Variants in NUBPL observed in about 807,000 individuals in gnomAD.
NUBPL encodes the protein iron-sulfur cluster transfer protein NUBPL.
A neutral mutation model predicts 45.7 loss-of-function variants in NUBPL; 31 were observed. That is an observed-to-expected ratio of 0.68 (90% confidence interval 0.51 to 0.92). The LOEUF (loss-of-function observed/expected upper bound fraction) is 0.92, where lower values mean the gene tolerates loss of function less well. Ranked by LOEUF, NUBPL falls within the 40% of genes least tolerant of loss-of-function variation. NUBPL has a pLI of 0.00. For missense variants in NUBPL, 401 were observed against 398.7 expected, an observed-to-expected ratio of 1.01 and a Z score of -0.05; for synonymous variants, 144 against 140.9, an observed-to-expected ratio of 1.02 and a Z score of -0.15.
chr14:31,839,117 T>C (rs908808773), intron 8 of NUBPL, among the ~76,000 whole-genome samples: 3 of 152,230 alleles, frequency 2.0e-5, no homozygotes, highest in African/African-American at 7.2e-5. Flanking sequence ...TAATATGTCA[T>C]TGTTTTGGTT....
chr14:31,835,175 A>G (rs1224916392), intron 8 of NUBPL, among the ~76,000 whole-genome samples: 1 of 152,192 alleles, frequency 6.6e-6, no homozygotes, highest in Non-Finnish European at 1.5e-5. Context: ...CTAAGACTTG[A>G]CTGCAGCACT....
At chr14:31,826,852 A>T in intron 8 of NUBPL, 138 bp downstream of exon 8, 1 of 763,094 alleles carries the variant, frequency 1.3e-6, no homozygotes, top group South Asian at 1.5e-5. Context: ...CATTTTGGTG[A>T]CTTTAAAAAC....
rs1249472696 is a variant in NUBPL at position 31,599,488 on chromosome 14, G to T, written c.382+109G>T. 4 of 752,006 alleles carry T rather than the reference G, an allele frequency of 5.3e-6. No individual in the cohort carries two copies. The East Asian group carries it at 1.1e-4, about 20-fold the overall frequency. The allele number at this position is 752,006 out of a possible 1,614,324, so 46.6% of individuals were successfully genotyped here. Reference sequence around the variant, plus strand: ...ATGTATATTTTATGCACAATGTAGTGTAAGTCCTCACTTAAGTTAGTAGAT... The same window carrying T: ...ATGTATATTTTATGCACAATGTAGTTTAAGTCCTCACTTAAGTTAGTAGAT... On this transcript the variant is annotated intron_variant, in intron 4 of 10. Coordinates refer to ENST00000281081, the MANE Select transcript of NUBPL (RefSeq NM_025152.3).
At chr14:31,596,908 A>G (rs919200746) in intron 3 of NUBPL, among the ~76,000 whole-genome samples, 1 of 152,246 alleles carries the variant, frequency 6.6e-6, no homozygotes, top group Non-Finnish European at 1.5e-5. Flanking sequence ...AATTCAAAAA[A>G]TGGGGAGATG....
At chr14:31,798,567 T>C (rs4981125) in intron 7 of NUBPL, among the ~76,000 whole-genome samples, 150,692 of 151,090 alleles carry the variant, frequency 1, 75,150 homozygotes, top group Middle Eastern at 1. Context: ...CCGAGGCGGG[T>C]GGATCATGGG....
At chr14:31,613,823 T>C (rs1309014420) in intron 4 of NUBPL, among the ~76,000 whole-genome samples, 1 of 152,026 alleles carries the variant, frequency 6.6e-6, no homozygotes, top group Non-Finnish European at 1.5e-5. Flanking sequence ...CATGTTGTGA[T>C]TATTACACAT....
chr14:31,670,251 A>G (rs916109461), intron 4 of NUBPL, among the ~76,000 whole-genome samples: 1 of 151,746 alleles, frequency 6.6e-6, no homozygotes. Context: ...TCTTTTTTTC[A>G]TATGTGTTTT....
At chr14:31,594,852 C>G (rs929364876) in intron 3 of NUBPL, among the ~76,000 whole-genome samples, 1 of 152,062 alleles carries the variant, frequency 6.6e-6, no homozygotes, top group East Asian at 1.9e-4. Flanking sequence ...ACTGCCAGTC[C>G]GAGATTAAAC....
intron 7 of NUBPL, among the ~76,000 whole-genome samples, chr14:31,805,271 G>A (rs2039663911): frequency 6.6e-6 from 1 of 152,204 alleles, no homozygotes; most frequent in African/African-American, 2.4e-5. Flanking sequence ...AATAACAGAT[G>A]CTGATGAGAT....
chr14:31,685,181 G>T (rs184447615), intron 6 of NUBPL, among the ~76,000 whole-genome samples: 233 of 152,270 alleles, frequency 1.5e-3, no homozygotes, highest in Non-Finnish European at 2.3e-3. Flanking sequence ...CTGTCCACCT[G>T]ATTCCAGTCT....
At chr14:31,765,781 A>G (rs1270291347) in intron 6 of NUBPL, among the ~76,000 whole-genome samples, 1 of 152,226 alleles carries the variant, frequency 6.6e-6, no homozygotes, top group African/African-American at 2.4e-5. Flanking sequence ...AAAGATTACT[A>G]AAGTCATGTG....
At chr14:31,828,857 T>C (rs1380983470) in intron 8 of NUBPL, among the ~76,000 whole-genome samples, 2 of 152,196 alleles carry the variant, frequency 1.3e-5, no homozygotes, top group African/African-American at 2.4e-5. Context: ...CAGATAATCC[T>C]TATGGAACAT....
At chr14:31,722,660 G>T (rs2037836494) in intron 6 of NUBPL, among the ~76,000 whole-genome samples, 1 of 152,090 alleles carries the variant, frequency 6.6e-6, no homozygotes, top group Non-Finnish European at 1.5e-5. Flanking sequence ...TCTCATTGTG[G>T]TTTTGATTTG....
At position 31,855,616 on chromosome 14, in the gene NUBPL, T is replaced by C. The variant is rs1297862352; in HGVS notation, c.898-3502T>C. Reference sequence around the variant, plus strand: ...AAAACATTTAAAGCCTTATTCATGTTTTTAGAGTTTTTTTTTTTTTTAAGG... The same window carrying C: ...AAAACATTTAAAGCCTTATTCATGTCTTTAGAGTTTTTTTTTTTTTTAAGG... On this transcript the variant is annotated intron_variant, in intron 10 of 10. Coordinates refer to ENST00000281081, the MANE Select transcript of NUBPL (RefSeq NM_025152.3). 5.0e-5 allele frequency among the ~76,000 whole-genome samples: 6 copies of C among 118,904 alleles called. 1 individual carries two copies. In the South Asian group the frequency reaches 1.3e-3, roughly 25 times the overall value. 78.0% of individuals were successfully genotyped at this position (118,904 alleles called of 152,430 possible).
chr14:31,713,342 T>C (rs79851808), intron 6 of NUBPL, among the ~76,000 whole-genome samples: 7,201 of 152,272 alleles, frequency 0.047, 217 homozygotes, highest in Admixed American at 0.066. Flanking sequence ...AAGGCCATTA[T>C]ATGTCAGATT....
chr14:31,618,539 C>T (rs1195517905), intron 4 of NUBPL, among the ~76,000 whole-genome samples: 4 of 152,144 alleles, frequency 2.6e-5, no homozygotes, highest in African/African-American at 9.7e-5. Context: ...ATTATTTACC[C>T]AGTAGTCATT....
chr14:31,855,232 T>G (rs1312793237), intron 10 of NUBPL, among the ~76,000 whole-genome samples: 1 of 152,242 alleles, frequency 6.6e-6, no homozygotes, highest in Non-Finnish European at 1.5e-5. Context: ...TATAAAGATG[T>G]ATGGGTGAAA....
At position 31,720,609 on chromosome 14, in the gene NUBPL, GCTT is replaced by G. The variant is rs566838025; in HGVS notation, c.513+47039_513+47041del. ...GAACGTACTACCTCTCACCTCATTG[GCTT>G]CTTACTTTCTTCTTCAATGCTTCAG... On this transcript the variant is annotated intron_variant, in intron 6 of 10. Coordinates refer to ENST00000281081, the MANE Select transcript of NUBPL (RefSeq NM_025152.3). 2.1e-3 allele frequency among the ~76,000 whole-genome samples: 312 copies of G among 152,164 alleles called. 4 individuals carry two copies. Among genetic ancestry groups the G allele is most frequent in the South Asian group, 0.013 (61 of 4,822 alleles).
chr14:31,561,568 G>T (rs2033280946), intron 1 of NUBPL, 21 bp downstream of exon 1: 11 of 1,338,504 alleles, frequency 8.2e-6, no homozygotes, highest in Non-Finnish European at 9.7e-6. Flanking sequence ...CTGCAGGGCA[G>T]GGGGAAGCGG....
Sources: allele counts gnomAD v4.1 joint callset (sites outside exome capture counted in the v4.1 genomes callset), GRCh38; gene constraint gnomAD v4.1.1; transcripts MANE v1.5; gene names NCBI Gene and HGNC (gene_info 2026-07-23, HGNC 2026-07-21).